NRG3: variants seen among roughly 807,000 people sequenced by gnomAD.
NRG3 encodes the protein pro-neuregulin-3, membrane-bound isoform.
In NRG3, 31 loss-of-function variants were observed where a neutral mutation model predicts 66.9. That is an observed-to-expected ratio of 0.46 (90% CI 0.35 to 0.63). The LOEUF is 0.63. NRG3 is among the 20% of genes least tolerant of loss of function. The pLI is 0.00. For missense variants in NRG3, 910 were observed against 878.9 expected (o/e 1.04, Z -0.45); for synonymous variants, 393 against 359.4 (o/e 1.09, Z -1.06).
chr10:82,182,436 T>A (rs560597335), intron 1 of NRG3, among the ~76,000 whole-genome samples: 1 of 151,878 alleles, frequency 6.6e-6, no homozygotes, highest in South Asian at 2.1e-4. Flanking sequence ...ACCATGGGGC[T>A]TACATAATCA....
intron 4 of NRG3, among the ~76,000 whole-genome samples, chr10:82,867,108 T>G (rs1840827862): frequency 6.6e-6 from 1 of 152,152 alleles, no homozygotes; most frequent in Admixed American, 6.6e-5. Flanking sequence ...CCCACGTTAT[T>G]ATAATGGCTC....
chr10:82,041,995 G>A (rs969609495), intron 1 of NRG3, among the ~76,000 whole-genome samples: 1 of 151,904 alleles, frequency 6.6e-6, no homozygotes, highest in South Asian at 2.1e-4. Flanking sequence ...ATAGTATTGG[G>A]CCTAGGGCCT....
chr10:82,261,872 G>A (rs989308087), intron 1 of NRG3, among the ~76,000 whole-genome samples: 1 of 152,114 alleles, frequency 6.6e-6, no homozygotes, highest in Non-Finnish European at 1.5e-5. Flanking sequence ...GGGCATCATG[G>A]CCATCACGAA....
chr10:82,343,101 A>C (rs2082769605), intron 1 of NRG3, among the ~76,000 whole-genome samples: 1 of 152,090 alleles, frequency 6.6e-6, no homozygotes, highest in African/African-American at 2.4e-5. Flanking sequence ...TATCAAATCT[A>C]GGGCTCTCAA....
At chr10:81,896,303 A>G (rs1843522495) in intron 1 of NRG3, among the ~76,000 whole-genome samples, 1 of 152,080 alleles carries the variant, frequency 6.6e-6, no homozygotes, top group Non-Finnish European at 1.5e-5. Context: ...CACACTGAAC[A>G]CAAGCAGGAG....
intron 2 of NRG3, among the ~76,000 whole-genome samples, chr10:82,735,542 T>C (rs2058112233): frequency 6.6e-6 from 1 of 151,970 alleles, no homozygotes; most frequent in African/African-American, 2.4e-5. Context: ...ATAAAGAAAA[T>C]GTGGCCCATA....
intron 2 of NRG3, among the ~76,000 whole-genome samples, chr10:82,712,217 A>G (rs1208006481): frequency 7.5e-6 from 1 of 134,058 alleles, no homozygotes; most frequent in Non-Finnish European, 1.6e-5. Context: ...TATTCTATAA[A>G]GCAAGATTAA....
intron 2 of NRG3, among the ~76,000 whole-genome samples, chr10:82,658,076 CCAGA>C (rs761457904): frequency 4.9e-4 from 74 of 152,100 alleles, no homozygotes; most frequent in Middle Eastern, 3.4e-3. Context: ...GATTCCAAAA[CCAGA>C]CAAAGACTTT....
chr10:82,493,421 G>C (rs1342552918), intron 2 of NRG3, among the ~76,000 whole-genome samples: 2 of 152,060 alleles, frequency 1.3e-5, no homozygotes, highest in Non-Finnish European at 2.9e-5. Flanking sequence ...GAGGATAATG[G>C]CTTTCAGCTC....
intron 2 of NRG3, among the ~76,000 whole-genome samples, chr10:82,616,270 G>A (rs1039433201): frequency 6.6e-6 from 1 of 152,158 alleles, no homozygotes; most frequent in African/African-American, 2.4e-5. Context: ...CCATGCCGAA[G>A]GAGGTAAAAC....
At chr10:82,115,656 T>A (rs11192577) in intron 1 of NRG3, among the ~76,000 whole-genome samples, 7,341 of 152,086 alleles carry the variant, frequency 0.048, 248 homozygotes, top group East Asian at 0.094. Flanking sequence ...GATAATCAAA[T>A]CCAGAAGGGG....
intron 1 of NRG3, among the ~76,000 whole-genome samples, chr10:82,207,400 A>G (rs1015793554): frequency 1.3e-5 from 2 of 152,192 alleles, no homozygotes; most frequent in Non-Finnish European, 2.9e-5. Context: ...TTACCTGTCC[A>G]TGATATAACT....
chr10:82,935,098 T>C (rs1190755494), intron 4 of NRG3, among the ~76,000 whole-genome samples: 1 of 152,218 alleles, frequency 6.6e-6, no homozygotes. Flanking sequence ...ACTGAATACA[T>C]CAATATATTT....
intron 2 of NRG3, among the ~76,000 whole-genome samples, chr10:82,393,408 T>C (rs1396264348): frequency 6.6e-6 from 1 of 152,132 alleles, no homozygotes; most frequent in Non-Finnish European, 1.5e-5. Context: ...CTGTGTACAG[T>C]TAGCATTAGG....
chr10:82,359,493 G>GT (rs1340702617), intron 2 of NRG3, among the ~76,000 whole-genome samples: 2 of 152,180 alleles, frequency 1.3e-5, no homozygotes, highest in East Asian at 3.9e-4. Flanking sequence ...TCAGGAAGGT[G>GT]TTTAATTGGT....
intron 4 of NRG3, among the ~76,000 whole-genome samples, chr10:82,933,561 G>T (rs1205919581): frequency 6.6e-6 from 1 of 152,178 alleles, no homozygotes; most frequent in African/African-American, 2.4e-5. Context: ...TGCAGAAGTT[G>T]TGTAATTGTG....
intron 1 of NRG3, among the ~76,000 whole-genome samples, chr10:82,010,590 A>G (rs1457113223): frequency 6.6e-6 from 1 of 152,114 alleles, no homozygotes; most frequent in African/African-American, 2.4e-5. Context: ...TCTACTGCCT[A>G]AAAAGTTTTC....
chr10:82,462,240 C>A (rs892544022), intron 2 of NRG3, among the ~76,000 whole-genome samples: 1 of 152,044 alleles, frequency 6.6e-6, no homozygotes, highest in African/African-American at 2.4e-5. Flanking sequence ...AAGTGTGAGA[C>A]TTTGAATCAT....
chr10:82,331,001 C>T (rs1328138687), intron 1 of NRG3, among the ~76,000 whole-genome samples: 1 of 152,134 alleles, frequency 6.6e-6, no homozygotes, highest in Non-Finnish European at 1.5e-5. Context: ...ATCTCATTGT[C>T]TGCAATGATT....
Sources: gnomAD v4.1 joint callset for allele counts (sites outside exome capture counted in the v4.1 genomes callset) on GRCh38, gnomAD v4.1.1 for gene constraint, MANE v1.5 for transcripts, NCBI Gene and HGNC (gene_info 2026-07-23, HGNC 2026-07-21) for gene names.